Variants in CSMD1 observed in about 807,000 individuals in gnomAD.
CSMD1 encodes the protein CUB and Sushi multiple domains 1.
In CSMD1, 213 loss-of-function variants were observed where a neutral mutation model predicts 417.5. That is an observed-to-expected ratio of 0.51 (90% CI 0.46 to 0.57). CSMD1 has a LOEUF of 0.57. CSMD1 is among the 20% of genes least tolerant of loss of function. The probability of loss-of-function intolerance (pLI) is 0.00; values close to 1 mark genes in which losing one functional copy is unlikely to be tolerated. For synonymous variants in CSMD1, 2,862 were observed against 1,736.8 expected (o/e 1.65, Z -16.11); for missense variants, 6,923 against 4,529.7 (o/e 1.53, Z -15.17).
intron 1 of CSMD1, chr8:4,788,569 C>T (rs775366764): frequency 5.2e-6 from 7 of 1,337,744 alleles, no homozygotes; most frequent in African/African-American, 1.5e-5. Context: ...ACAAGAAAAT[C>T]AGAGAATGTA....
intron 25 of CSMD1, among the ~76,000 whole-genome samples, chr8:3,293,480 G>T (rs191278731): frequency 2.0e-5 from 3 of 151,992 alleles, no homozygotes; most frequent in Non-Finnish European, 4.4e-5. Flanking sequence ...ACGTAGATTC[G>T]GTCTTTTCAC....
chr8:4,925,723 A>G (rs1456702293), intron 1 of CSMD1, among the ~76,000 whole-genome samples: 5 of 151,714 alleles, frequency 3.3e-5, no homozygotes, highest in African/African-American at 1.2e-4. Flanking sequence ...ATTTTTTTGT[A>G]TTTTTAGTAG....
chr8:3,893,841 T>C (rs143713275), intron 5 of CSMD1, among the ~76,000 whole-genome samples: 80 of 152,272 alleles, frequency 5.3e-4, no homozygotes, highest in African/African-American at 1.5e-3. Flanking sequence ...GACTGACCCT[T>C]TGTTCATTAA....
intron 3 of CSMD1, among the ~76,000 whole-genome samples, chr8:4,249,620 C>G (rs1413027311): frequency 6.6e-6 from 1 of 152,168 alleles, no homozygotes; most frequent in Non-Finnish European, 1.5e-5. Flanking sequence ...AATGTTTTCT[C>G]TGCTCAACAC....
intron 3 of CSMD1, among the ~76,000 whole-genome samples, chr8:4,283,119 T>C (rs527511886): frequency 6.6e-6 from 1 of 152,330 alleles, no homozygotes; most frequent in East Asian, 1.9e-4. Flanking sequence ...TTACTACCAG[T>C]AATCATGGAT....
At chr8:4,229,620 A>G (rs534205572) in intron 3 of CSMD1, among the ~76,000 whole-genome samples, 1 of 152,296 alleles carries the variant, frequency 6.6e-6, no homozygotes, top group East Asian at 1.9e-4. Context: ...AGATGCCCTC[A>G]TAGTTCACTC....
intron 47 of CSMD1, among the ~76,000 whole-genome samples, chr8:3,094,696 C>T (rs1213495727): frequency 6.6e-6 from 1 of 150,484 alleles, no homozygotes; most frequent in African/African-American, 2.5e-5. Flanking sequence ...ATATCCACTA[C>T]TTAAGCCATA....
At chr8:3,142,797 T>C (rs1818584950) in intron 40 of CSMD1, 123 bp from the exon 41 acceptor site, 10 of 861,184 alleles carry the variant, frequency 1.2e-5, no homozygotes, top group Non-Finnish European at 1.7e-5. Flanking sequence ...GACAGAACCA[T>C]GCCGTGGAGG....
At chr8:4,485,897 G>A (rs1294654917) in intron 2 of CSMD1, among the ~76,000 whole-genome samples, 1 of 151,810 alleles carries the variant, frequency 6.6e-6, no homozygotes, top group East Asian at 1.9e-4. Flanking sequence ...AGTAAGAAGT[G>A]GATTTCCTGG....
chr8:3,520,020 C>CTATATATATATATA lies in CSMD1; in HGVS notation c.1345-26308_1345-26295dup, dbSNP rs33939239. ...TATATATGTGTGTGTGTGTATATAC[C>CTATATATATATATA]TATATATATATATATATATACACGT... On this transcript the variant is annotated intron_variant, in intron 10 of 69. Transcript: ENST00000635120. 5.2e-4 allele frequency among the ~76,000 whole-genome samples: 71 copies of CTATATATATATATA among 137,596 alleles called. 2 individuals carry two copies. Among genetic ancestry groups the CTATATATATATATA allele is most frequent in the African/African-American group, 2.0e-3 (67 of 33,880 alleles). The allele number at this position is 137,596 out of a possible 152,430, so 90.3% of individuals were successfully genotyped here.
intron 1 of CSMD1, among the ~76,000 whole-genome samples, chr8:4,940,258 C>G (rs1807906405): frequency 6.6e-6 from 1 of 152,130 alleles, no homozygotes; most frequent in African/African-American, 2.4e-5. Context: ...ATAGTGTGAG[C>G]AGTTAACAGT....
At chr8:3,281,437 C>G (rs982704781) in intron 26 of CSMD1, among the ~76,000 whole-genome samples, 1 of 152,042 alleles carries the variant, frequency 6.6e-6, no homozygotes, top group Non-Finnish European at 1.5e-5. Context: ...AAGCAAGACT[C>G]CATCTCAAGG....
chr8:4,446,733 CTGTGTGTGTG>C (rs758084825), intron 2 of CSMD1, among the ~76,000 whole-genome samples: 3 of 134,116 alleles, frequency 2.2e-5, no homozygotes, highest in Non-Finnish European at 4.8e-5. Context: ...GTGTGTGTGT[CTGTGTGTGTG>C]TGTGTGTGTG....
chr8:3,383,398 G>T (rs919465195), intron 18 of CSMD1, among the ~76,000 whole-genome samples: 1 of 151,846 alleles, frequency 6.6e-6, no homozygotes, highest in African/African-American at 2.4e-5. Flanking sequence ...TGCATGGAGG[G>T]AAGCCTTCTT....
intron 5 of CSMD1, among the ~76,000 whole-genome samples, chr8:3,959,049 T>G (rs1348367148): frequency 1.3e-5 from 2 of 152,186 alleles, no homozygotes; most frequent in Non-Finnish European, 2.9e-5. Flanking sequence ...CCATACTTCC[T>G]ACTCCCCAGC....
chr8:4,367,231 A>C (rs1172520432), intron 3 of CSMD1, among the ~76,000 whole-genome samples: 1 of 152,222 alleles, frequency 6.6e-6, no homozygotes, highest in African/African-American at 2.4e-5. Flanking sequence ...ATGTGGTGTA[A>C]GGAAGGGGTC....
At chr8:4,686,320 C>A (rs1278621999) in intron 1 of CSMD1, among the ~76,000 whole-genome samples, 1 of 152,146 alleles carries the variant, frequency 6.6e-6, no homozygotes, top group Non-Finnish European at 1.5e-5. Context: ...TCATGCCATT[C>A]CTGATTGATT....
chr8:3,305,449 G>C (rs1431018161), intron 25 of CSMD1, among the ~76,000 whole-genome samples: 1 of 151,272 alleles, frequency 6.6e-6, no homozygotes, highest in East Asian at 1.9e-4. Flanking sequence ...TAGGTCATAA[G>C]GGCTGGGCCC....
chr8:4,115,166 T>C (rs899033898), intron 3 of CSMD1, among the ~76,000 whole-genome samples: 4 of 152,094 alleles, frequency 2.6e-5, no homozygotes, highest in African/African-American at 9.7e-5. Context: ...TTTTAAGAAA[T>C]TTTCACAGCT....
Sources: allele counts gnomAD v4.1 joint callset (sites outside exome capture counted in the v4.1 genomes callset), GRCh38; gene constraint gnomAD v4.1.1; transcripts MANE v1.5; gene names NCBI Gene and HGNC (gene_info 2026-07-23, HGNC 2026-07-21).